TERT: variants seen among roughly 807,000 people sequenced by gnomAD.
The protein encoded by TERT is telomerase reverse transcriptase.
In TERT, 42 loss-of-function variants were observed where a neutral mutation model predicts 104.0. The observed-to-expected ratio is 0.40, with a 90% CI of 0.32 to 0.52. The LOEUF is 0.52. TERT is among the 20% of genes least tolerant of loss of function. The pLI, the probability that TERT is intolerant of heterozygous loss-of-function variation, is 0.43. For missense variants in TERT, 1,101 were observed against 1,610.3 expected (o/e 0.68, Z 5.41); for synonymous variants, 781 against 725.6 (o/e 1.08, Z -1.23).
At chr5:1,264,279 TG>T in intron 11 of TERT, 124 bp downstream of exon 11, 1 of 1,013,160 alleles carries the variant, frequency 9.9e-7, no homozygotes, top group Non-Finnish European at 1.5e-6. Flanking sequence ...GGGCACCCTG[TG>T]GCCTCTGACC....
Position 1,270,864 on chromosome 5 carries a change from G to T in TERT, c.2468+255C>A, listed in dbSNP as rs1258845363. 1.3e-5 allele frequency among the ~76,000 whole-genome samples: 2 copies of T among 152,240 alleles called. No homozygotes were observed. Among genetic ancestry groups the T allele is most frequent in the African/African-American group, 4.8e-5 (2 of 41,464 alleles). On this transcript the variant is annotated intron_variant, in intron 8 of 15. Coordinates refer to ENST00000310581, the MANE Select transcript of TERT (RefSeq NM_198253.3). The surrounding 1 kb of genome is among the most constrained non-coding windows in gnomAD (Gnocchi z 8.3). The stretch of plus-strand genomic sequence containing the variant: ...CCCGCCCCTCGTCCTCCACGCAGGA[G>T]CAACTCCACACCCCGCTTGCCATTT...
At chr5:1,278,556 C>A (rs554169098) in intron 6 of TERT, 85 bp downstream of exon 6, 22 of 1,577,124 alleles carry the variant, frequency 1.4e-5, no homozygotes, top group Non-Finnish European at 1.9e-5. Context: ...ACCACAGAAA[C>A]GCATCACAGA....
chr5:1,282,529 G>T lies in TERT; in HGVS notation c.1669C>A (p.Leu557Ile). The change falls in exon 3 of 16, where the codon CTC becomes ATC. Residue 557 changes from leucine (L) to isoleucine (I), a missense_variant. Physicochemically the swap from Leu to Ile is conservative, Grantham distance 5. Around this residue, in one of 5 missense-constraint regions of TERT, gnomAD observed 504 missense variants for 544.6 expected, o/e 0.93. Coordinates refer to ENST00000310581, the MANE Select transcript of TERT (RefSeq NM_198253.3). ...WLMSVYVVELLRSFFYVTETT... is the reference protein window; with the variant it reads ...WLMSVYVVELIRSFFYVTETT... ...TCCGTGACATAAAAGAAAGACCTGA[G>T]CAGCTCGACGACGTACACACTCATC... The T allele has an allele frequency of 6.2e-7, 1 of 1,614,160 alleles. No individual in the cohort carries two copies.
In TERT at chr5:1,269,730, G is replaced by A. The variant is rs1474671575; in HGVS notation, c.2469-1097C>T. ...GCACACGCACCAACTCTAGGAGTCC[G>A]GCCAGCCCAGCGAGTCAACGCAAGC... is the stretch of plus-strand genomic sequence containing the variant. On this transcript the variant is annotated intron_variant, in intron 8 of 15. Coordinates refer to ENST00000310581, the MANE Select transcript of TERT (RefSeq NM_198253.3). This position sits in a 1 kb window ranked among gnomAD's most constrained non-coding sequence, Gnocchi z 9.0. 3.3e-5 allele frequency among the ~76,000 whole-genome samples: 5 copies of A among 152,172 alleles called. No individual in the cohort carries two copies. The highest frequency in any genetic ancestry group is 2.1e-4 in the South Asian group (1 of 4,818).
chr5:1,271,994 C>T (rs1439509312), intron 7 of TERT, among the ~76,000 whole-genome samples, 191 bp downstream of exon 7: 1 of 152,272 alleles, frequency 6.6e-6, no homozygotes, highest in Non-Finnish European at 1.5e-5. Flanking sequence ...CTGAATGCAG[C>T]AGCTGTCGCA....
intron 6 of TERT, among the ~76,000 whole-genome samples, chr5:1,278,313 G>A (rs544423703): frequency 8.5e-5 from 13 of 152,086 alleles, no homozygotes; most frequent in East Asian, 5.8e-4. Flanking sequence ...CATATGTCAC[G>A]GACACATGCA....
intron 6 of TERT, among the ~76,000 whole-genome samples, chr5:1,277,608 G>A (rs555960218): frequency 6.7e-6 from 1 of 149,808 alleles, no homozygotes; most frequent in African/African-American, 2.5e-5. Context: ...GGGGATGTGG[G>A]GGGGGGTCTC....
rs544517722 is a variant in TERT at position 1,254,139 on chromosome 5, C to T, written c.3295+229G>A. The stretch of plus-strand genomic sequence containing the variant: ...GCTCCCAAGCGTGGGGAGCCATCGC[C>T]CCTGAGATGGGAAGCAGGGGTTCAA... On this transcript the variant is annotated intron_variant, in intron 15 of 15. Coordinates refer to ENST00000310581, the MANE Select transcript of TERT (RefSeq NM_198253.3). Among the ~76,000 whole-genome samples the T allele has an allele frequency of 5.9e-5, 9 of 152,302 alleles. No individual in the cohort carries two copies. The South Asian group carries it at 1.4e-3, about 25-fold the overall frequency.
Position 1,255,145 on chromosome 5 carries a change from G to A in TERT, c.3157+142C>T, listed in dbSNP as rs954965205. ...TCACCCCACGAGAGGGCGGGCAGAC[G>A]AGCCTGACAGTGGTTGGGTTAAACC... On this transcript the variant is annotated intron_variant, in intron 14 of 15. Transcript: ENST00000310581. This position sits in a 1 kb window ranked among gnomAD's most constrained non-coding sequence, Gnocchi z 6.9. 27 of 1,083,334 alleles carry A rather than the reference G, an allele frequency of 2.5e-5. No individual in the cohort carries two copies. The East Asian group carries it at 5.0e-4, about 20-fold the overall frequency. 67.1% of individuals were successfully genotyped at this position (1,083,334 alleles called of 1,614,324 possible).
chr5:1,280,088 A>C, intron 4 of TERT, 70 bp downstream of exon 4: 1 of 1,596,728 alleles, frequency 6.3e-7, no homozygotes. Flanking sequence ...CCCTTCATCT[A>C]AGCTGATACC....
Position 1,293,953 on chromosome 5 carries a change from C to T in TERT, c.933G>A (p.Ser311=), listed in dbSNP as rs2126686810. ...GCGTGTCCCAGGGACGTGGTGGCCG[C>T]GATGTGGATGGGGGGCCCGCGTGGT... ...RQHHAGPPST[S]RPPRPWDTPC... The change falls in exon 2 of 16, where the codon TCG becomes TCA. Residue 311 remains serine (S), a synonymous_variant. Transcript: ENST00000310581. 2.6e-6 allele frequency: 4 copies of T among 1,550,502 alleles called. No individual in the cohort carries two copies. The highest frequency in any genetic ancestry group is 2.4e-5 in the East Asian group (1 of 41,082).
chr5:1,289,417 G>A (rs1750722015), intron 2 of TERT, among the ~76,000 whole-genome samples: 1 of 127,228 alleles, frequency 7.9e-6, no homozygotes, highest in Non-Finnish European at 1.7e-5. Context: ...GACACCCGGG[G>A]ACGGCGCCTC....
At position 1,273,782 on chromosome 5, in the gene TERT, C is replaced by T. The variant is rs1561199238; in HGVS notation, c.2287-1502G>A. ...TCCACAGTCACCACACATCAGACCCCTGTGACCAACCGCCATCCACAGTCA... is the reference window on the plus strand; with the variant it reads ...TCCACAGTCACCACACATCAGACCCTTGTGACCAACCGCCATCCACAGTCA... On this transcript the variant is annotated intron_variant, in intron 6 of 15. Transcript: ENST00000310581. 9.7e-5 allele frequency among the ~76,000 whole-genome samples: 2 copies of T among 20,642 alleles called. 1 individual carries two copies. Among genetic ancestry groups the T allele is most frequent in the African/African-American group, 9.2e-4 (2 of 2,166 alleles). The allele number at this position is 20,642 out of a possible 152,430, so 13.5% of individuals were successfully genotyped here.
chr5:1,291,100 C>G (rs796739400), intron 2 of TERT, among the ~76,000 whole-genome samples: 146 of 68,936 alleles, frequency 2.1e-3, no homozygotes, highest in African/African-American at 2.6e-3. Flanking sequence ...ACCTGGGGAC[C>G]GCGCCTCACT....
intron 7 of TERT, 45 bp from the exon 8 acceptor site, chr5:1,271,249 C>A: frequency 3.4e-6 from 5 of 1,450,714 alleles, no homozygotes; most frequent in Non-Finnish European, 3.9e-6. Flanking sequence ...CCGGTGGGTG[C>A]TGAGACAGGC....
rs1037981530 is a variant in TERT at position 1,274,626 on chromosome 5, G to A, written c.2287-2346C>T. 3.9e-5 allele frequency among the ~76,000 whole-genome samples: 6 copies of A among 152,288 alleles called. No homozygotes were observed. Among genetic ancestry groups the A allele is most frequent in the Admixed American group, 2.0e-4 (3 of 15,306 alleles). ...TAGGGTGTGTGCGCCTCTGAGCACC[G>A]CATGCCACTGCTGATCTGAGAGGGG... On this transcript the variant is annotated intron_variant, in intron 6 of 15. Transcript: ENST00000310581. This position sits in a 1 kb window ranked among gnomAD's most constrained non-coding sequence, Gnocchi z 5.3.
rs975444266 is a variant in TERT at position 1,287,596 on chromosome 5, G to C, written c.1574-4972C>G. On this transcript the variant is annotated intron_variant, in intron 2 of 15. Coordinates refer to ENST00000310581, the MANE Select transcript of TERT (RefSeq NM_198253.3). This position sits in a 1 kb window ranked among gnomAD's most constrained non-coding sequence, Gnocchi z 4.3. ...AAGAAGCCCAGTGTGGCAGTACTAA[G>C]AGCAATTTAAAAAAAGAATTACTAG... is the stretch of plus-strand genomic sequence containing the variant. 6.6e-6 allele frequency among the ~76,000 whole-genome samples: 1 copy of C among 151,414 alleles called. No individual in the cohort carries two copies. The highest frequency in any genetic ancestry group is 1.5e-5 in the Non-Finnish European group (1 of 67,926).
At chr5:1,276,141 A>G (rs1436776675) in intron 6 of TERT, among the ~76,000 whole-genome samples, 1 of 129,566 alleles carries the variant, frequency 7.7e-6, no homozygotes, top group Non-Finnish European at 1.6e-5. Flanking sequence ...ATGAAAACCA[A>G]TTCACAGATC....
chr5:1,257,603 C>T lies in TERT; in HGVS notation c.3032+995G>A, dbSNP rs540112956. On this transcript the variant is annotated intron_variant, in intron 13 of 15. Transcript: ENST00000310581. The surrounding 1 kb of genome is among the most constrained non-coding windows in gnomAD (Gnocchi z 5.6). ...ACAGCCTGGTCCCAAGCCTCTGGAG[C>T]TGGTGCAAAGGCGGTAACATGCAGC... Among the ~76,000 whole-genome samples, 29 of 152,330 alleles carry T rather than the reference C, an allele frequency of 1.9e-4. 1 individual carries two copies. The South Asian group carries it at 5.8e-3, about 31-fold the overall frequency.
Sources: allele counts gnomAD v4.1 joint callset (sites outside exome capture counted in the v4.1 genomes callset), GRCh38; gene constraint gnomAD v4.1.1; regional missense constraint gnomAD v4.1.1; non-coding constraint Gnocchi (gnomAD v3.1); transcripts MANE v1.5; gene names NCBI Gene and HGNC (gene_info 2026-07-23, HGNC 2026-07-21).